Variants in NLGN4X observed in about 807,000 individuals in gnomAD.
The protein encoded by NLGN4X is neuroligin 4 X-linked, also known as neuroligin-4, X-linked.
NLGN4X carries 3 observed loss-of-function variants against 40.3 expected under a neutral mutation model. The ratio of observed to expected loss-of-function variants is 0.07; its 90% CI spans 0.03 to 0.19. NLGN4X has a LOEUF of 0.19. NLGN4X is among the 10% of genes least tolerant of loss of function. The pLI, the probability that NLGN4X is intolerant of heterozygous loss-of-function variation, is 1.00. For synonymous variants in NLGN4X, 270 were observed against 306.8 expected (o/e 0.88, Z 1.25); for missense variants, 382 against 708.3 (o/e 0.54, Z 5.23).
At position 6,149,470 on chromosome X, in the gene NLGN4X, T is replaced by C. The variant is rs775050778; in HGVS notation, c.472+1525A>G. 2.7e-5 allele frequency among the ~76,000 whole-genome samples: 3 copies of C among 111,886 alleles called. No individual in the cohort carries two copies. In the East Asian group the frequency reaches 8.4e-4, roughly 31 times the overall value. On this transcript the variant is annotated intron_variant, in intron 2 of 5. Coordinates refer to ENST00000381095, the MANE Select transcript of NLGN4X (RefSeq NM_181332.3). Reference sequence around the variant, plus strand: ...TTTGAATAGTTCATTATGAGAAAGATCTCAACCCAGGTGGCTGCTCAAATG... The same window carrying C: ...TTTGAATAGTTCATTATGAGAAAGACCTCAACCCAGGTGGCTGCTCAAATG...
intron 2 of NLGN4X, among the ~76,000 whole-genome samples, chrX:6,137,229 C>T (rs948322607): frequency 1.8e-5 from 2 of 111,745 alleles, no homozygotes; most frequent in East Asian, 2.9e-4. Flanking sequence ...ATCACTTCAA[C>T]GTTTGCTTCC....
intron 1 of NLGN4X, among the ~76,000 whole-genome samples, chrX:6,195,708 G>C (rs763692422): frequency 8.9e-6 from 1 of 111,899 alleles, no homozygotes; most frequent in African/African-American, 3.2e-5. Flanking sequence ...GTGTGTTTCA[G>C]AAAATTTTAC....
chrX:6,079,337 A>G (rs1284608812), intron 2 of NLGN4X, among the ~76,000 whole-genome samples: 2 of 112,214 alleles, frequency 1.8e-5, no homozygotes, highest in Non-Finnish European at 3.8e-5. Context: ...CATCTCTGTA[A>G]CAGAGTTAAT....
At position 5,957,395 on chromosome X, in the gene NLGN4X, G is replaced by A. The variant is rs923849189; in HGVS notation, c.626-48156C>T. 3.6e-5 allele frequency among the ~76,000 whole-genome samples: 4 copies of A among 111,780 alleles called. No homozygotes were observed. The Admixed American group carries it at 3.8e-4, about 11-fold the overall frequency. ...ATTTAAGAGGTTTTCACATAAGCAC[G>A]AATCAGTACCTTTCACAGCAAATAT... On this transcript the variant is annotated intron_variant, in intron 3 of 5. Coordinates refer to ENST00000381095, the MANE Select transcript of NLGN4X (RefSeq NM_181332.3).
chrX:6,110,103 A>T (rs151183302), intron 2 of NLGN4X, among the ~76,000 whole-genome samples: 327 of 112,038 alleles, frequency 2.9e-3, no homozygotes, highest in African/African-American at 0.01. Flanking sequence ...CTGCCAAGCC[A>T]CACAGAAGGG....
At chrX:6,163,914 G>A (rs2040450084) in intron 1 of NLGN4X, among the ~76,000 whole-genome samples, 1 of 112,811 alleles carries the variant, frequency 8.9e-6, no homozygotes, top group Admixed American at 9.4e-5. Flanking sequence ...TTAAAAGGAA[G>A]AAAAGAGACA....
intron 2 of NLGN4X, among the ~76,000 whole-genome samples, chrX:6,124,895 TAA>T (rs1371103256): frequency 2.7e-5 from 3 of 112,481 alleles, no homozygotes; most frequent in African/African-American, 9.7e-5. Context: ...CTGCCTTTCA[TAA>T]AGAGTACTTT....
At chrX:6,182,891 G>T (rs959390450) in intron 1 of NLGN4X, among the ~76,000 whole-genome samples, 1 of 112,293 alleles carries the variant, frequency 8.9e-6, no homozygotes, top group Non-Finnish European at 1.9e-5. Context: ...ACCAATGAGT[G>T]TTCTTCAAAC....
intron 2 of NLGN4X, among the ~76,000 whole-genome samples, chrX:6,144,869 C>T (rs996117077): frequency 2.7e-5 from 3 of 110,981 alleles, no homozygotes; most frequent in Non-Finnish European, 5.7e-5. Context: ...AGTCAGGTGC[C>T]ATGCCTCCAA....
chrX:5,967,052 C>G (rs1365483123), intron 3 of NLGN4X, among the ~76,000 whole-genome samples: 1 of 111,535 alleles, frequency 9.0e-6, no homozygotes, highest in African/African-American at 3.3e-5. Context: ...CAATAAAGAT[C>G]CTTATCAGGC....
intron 2 of NLGN4X, among the ~76,000 whole-genome samples, chrX:6,138,792 G>A (rs1160256389): frequency 9.0e-6 from 1 of 111,053 alleles, no homozygotes; most frequent in Admixed American, 9.7e-5. Flanking sequence ...CTCCTTGGAA[G>A]ATGTTATCAT....
chrX:6,040,663 T>C (rs2037132396), intron 2 of NLGN4X, among the ~76,000 whole-genome samples: 1 of 112,086 alleles, frequency 8.9e-6, no homozygotes, highest in Admixed American at 9.5e-5. Flanking sequence ...TTCAGCTACA[T>C]AGGTATTACA....
rs191071533 is a variant in NLGN4X, at chrX:5,990,607, A to T, written c.625+38673T>A. Among the ~76,000 whole-genome samples the T allele has an allele frequency of 2.6e-3, 287 of 112,228 alleles. 1 individual carries two copies. The highest frequency in any genetic ancestry group is 9.0e-3 in the African/African-American group (279 of 30,925). Reference sequence around the variant, plus strand: ...TCATTTTTTCCTTTTTCATGCATTCACTATTTCACCCATTTATTCCTTTAT... The same window carrying T: ...TCATTTTTTCCTTTTTCATGCATTCTCTATTTCACCCATTTATTCCTTTAT... On this transcript the variant is annotated intron_variant, in intron 3 of 5. Coordinates refer to ENST00000381095, the MANE Select transcript of NLGN4X (RefSeq NM_181332.3).
chrX:6,025,859 A>C (rs1221035949), intron 3 of NLGN4X, among the ~76,000 whole-genome samples: 3 of 107,363 alleles, frequency 2.8e-5, no homozygotes, highest in Non-Finnish European at 5.8e-5. Flanking sequence ...AGCCGAGATC[A>C]TGCCACTGCC....
chrX:5,913,212 T>C (rs913234519), intron 3 of NLGN4X, among the ~76,000 whole-genome samples: 8 of 111,387 alleles, frequency 7.2e-5, no homozygotes, highest in Admixed American at 2.9e-4. Flanking sequence ...CCAGGAATCC[T>C]GGTATTTATT....
intron 1 of NLGN4X, among the ~76,000 whole-genome samples, chrX:6,213,620 A>T (rs767052415): frequency 1.2e-3 from 131 of 112,577 alleles, no homozygotes; most frequent in African/African-American, 4.1e-3. Context: ...TAAAATTTTT[A>T]AAAGGTTATT....
chrX:5,890,292 T>C lies in NLGN4X; in HGVS notation c.*2525A>G, dbSNP rs1333418426. 1 of 167,172 alleles carries C rather than the reference T, an allele frequency of 6.0e-6. No individual in the cohort carries two copies. The highest frequency in any genetic ancestry group is 1.1e-5 in the Non-Finnish European group (1 of 90,977). The allele number at this position is 167,172 out of a possible 1,213,427, so 13.8% of individuals were successfully genotyped here. On this transcript the variant is annotated 3_prime_UTR_variant, in exon 6 of 6. Coordinates refer to ENST00000381095, the MANE Select transcript of NLGN4X (RefSeq NM_181332.3). ...TTCTCTTTTTTATAGATAGCAAGTA[T>C]ATTTTTTCTCATAGAACTCTATGAA...
chrX:5,904,849 T>C (rs1180246928), intron 4 of NLGN4X, among the ~76,000 whole-genome samples: 1 of 111,655 alleles, frequency 9.0e-6, no homozygotes, highest in African/African-American at 3.3e-5. Flanking sequence ...CTGTCGATTT[T>C]TAAGGTCACA....
intron 1 of NLGN4X, among the ~76,000 whole-genome samples, chrX:6,193,388 G>A (rs1311817990): frequency 2.6e-5 from 2 of 78,377 alleles, no homozygotes; most frequent in South Asian, 8.6e-4. Context: ...CCGCCTGGGC[G>A]ACAGAACGAG....
Sources: gnomAD v4.1 joint callset for allele counts (sites outside exome capture counted in the v4.1 genomes callset) on GRCh38, gnomAD v4.1.1 for gene constraint, MANE v1.5 for transcripts, NCBI Gene and HGNC (gene_info 2026-07-23, HGNC 2026-07-21) for gene names.